Variants in AKAP19 observed in about 807,000 individuals in gnomAD.
AKAP19 encodes A-kinase anchoring protein 19.
the AKAP19 span, among the ~76,000 whole-genome samples, chr2:189,968,484 C>T: frequency 6.6e-6 from 1 of 152,188 alleles, no homozygotes; most frequent in Admixed American, 6.6e-5. Flanking sequence ...AAGTGATTCT[C>T]CTGCCTTGGC....
At chr2:189,928,129 A>G in the AKAP19 span, among the ~76,000 whole-genome samples, 2 of 152,160 alleles carry the variant, frequency 1.3e-5, no homozygotes, top group Admixed American at 6.5e-5. Flanking sequence ...TTCAAGAGTT[A>G]CAGGCCTGTT....
chr2:189,899,035 G>C, the AKAP19 span, among the ~76,000 whole-genome samples: 1 of 152,034 alleles, frequency 6.6e-6, no homozygotes, highest in African/African-American at 2.4e-5. Context: ...AATAAGCCTT[G>C]TTCTTTCCTG....
the AKAP19 span, among the ~76,000 whole-genome samples, chr2:190,174,572 T>C: frequency 6.6e-6 from 1 of 152,186 alleles, no homozygotes; most frequent in Non-Finnish European, 1.5e-5. Context: ...CTAAACTATG[T>C]TGATCAAATT....
the AKAP19 span, among the ~76,000 whole-genome samples, chr2:189,899,082 C>T: frequency 2.0e-5 from 3 of 151,842 alleles, no homozygotes; most frequent in Non-Finnish European, 2.9e-5. Context: ...ATATACATAT[C>T]CAATTTCCAC....
At chr2:189,902,613 G>A in the AKAP19 span, among the ~76,000 whole-genome samples, 87 of 152,002 alleles carry the variant, frequency 5.7e-4, 1 homozygote, top group Middle Eastern at 0.017. Context: ...AGTATTAAAA[G>A]TATTACATGA....
chr2:190,036,955 A>G, the AKAP19 span, among the ~76,000 whole-genome samples: 1 of 152,256 alleles, frequency 6.6e-6, no homozygotes, highest in Non-Finnish European at 1.5e-5. Context: ...TTTATAAAAG[A>G]CAACATTTCT....
At chr2:189,882,065 A>G in the AKAP19 span, among the ~76,000 whole-genome samples, 2 of 152,300 alleles carry the variant, frequency 1.3e-5, no homozygotes, top group South Asian at 2.1e-4. Flanking sequence ...GATTTGTACC[A>G]TCAAATACCT....
At chr2:190,199,750 C>A in the AKAP19 span, 1 of 1,521,340 alleles carries the variant, frequency 6.6e-7, no homozygotes. Context: ...CTGAAGTGCC[C>A]TGGAGAGGGA....
chr2:190,165,424 G>T, the AKAP19 span, among the ~76,000 whole-genome samples: 1 of 151,930 alleles, frequency 6.6e-6, no homozygotes, highest in Non-Finnish European at 1.5e-5. Context: ...ACAACAGAAC[G>T]AGACTCCATC....
the AKAP19 span, among the ~76,000 whole-genome samples, chr2:189,976,625 C>A: frequency 2.0e-5 from 3 of 152,318 alleles, no homozygotes; most frequent in African/African-American, 7.2e-5. Context: ...TGGGTTCCAC[C>A]CAGTTCGAGC....
the AKAP19 span, among the ~76,000 whole-genome samples, chr2:189,969,876 T>G: frequency 0.076 from 10,977 of 143,788 alleles, 531 homozygotes; most frequent in Non-Finnish European, 0.11. Context: ...CTTCTTTTTT[T>G]TTTTTTTTTT....
At chr2:190,199,784 A>G in the AKAP19 span, 2 of 1,561,488 alleles carry the variant, frequency 1.3e-6, no homozygotes, top group African/African-American at 2.7e-5. Flanking sequence ...CATCACATGG[A>G]CAAATTTCAT....
chr2:190,050,141 G>A, the AKAP19 span, among the ~76,000 whole-genome samples: 108 of 152,218 alleles, frequency 7.1e-4, 2 homozygotes, highest in Non-Finnish European at 4.1e-4. Context: ...GAGCTCTGCT[G>A]TGCAATGTAG....
chr2:190,033,814 G>T, the AKAP19 span, among the ~76,000 whole-genome samples: 1 of 151,802 alleles, frequency 6.6e-6, no homozygotes, highest in African/African-American at 2.4e-5. Flanking sequence ...CATACCTCTC[G>T]TCTGATCAAG....
At chr2:190,120,576 T>A in the AKAP19 span, among the ~76,000 whole-genome samples, 1 of 152,228 alleles carries the variant, frequency 6.6e-6, no homozygotes, top group African/African-American at 2.4e-5. Context: ...CCACTCAAAC[T>A]ACTCTCGATT....
the AKAP19 span, among the ~76,000 whole-genome samples, chr2:190,100,009 T>A: frequency 1.3e-5 from 2 of 152,168 alleles, no homozygotes; most frequent in South Asian, 4.1e-4. Context: ...ATTGTTGCAA[T>A]CAGATACAGG....
At chr2:189,919,855 CCCT>C in the AKAP19 span, among the ~76,000 whole-genome samples, 1 of 152,160 alleles carries the variant, frequency 6.6e-6, no homozygotes, top group African/African-American at 2.4e-5. Flanking sequence ...TTCATCTTGC[CCCT>C]CCTCCATCCT....
the AKAP19 span, among the ~76,000 whole-genome samples, chr2:189,916,558 A>T: frequency 1.3e-5 from 2 of 151,998 alleles, no homozygotes; most frequent in African/African-American, 4.8e-5. Context: ...CTGGCCACAA[A>T]TGATCCACCC....
the AKAP19 span, among the ~76,000 whole-genome samples, chr2:190,112,378 A>C: frequency 1.3e-5 from 2 of 151,906 alleles, no homozygotes; most frequent in Non-Finnish European, 2.9e-5. Flanking sequence ...TTTACTTCTT[A>C]TTTCTTTGTA....
Sources: gnomAD v4.1 joint callset for allele counts (sites outside exome capture counted in the v4.1 genomes callset) on GRCh38, gnomAD v4.1.1 for gene constraint, MANE v1.5 for transcripts, NCBI Gene and HGNC (gene_info 2026-07-23, HGNC 2026-07-21) for gene names.